AUNIP: variants seen among roughly 807,000 people sequenced by gnomAD.
AUNIP encodes the protein aurora kinase A- and ninein-interacting protein.
In AUNIP, 16 loss-of-function variants were observed where a neutral mutation model predicts 12.2. The observed-to-expected ratio is 1.31, with a 90% CI of 0.88 to 1.99. AUNIP has a LOEUF of 1.99. Ranked by LOEUF, AUNIP falls within the 30% of genes most tolerant of loss-of-function variation. The pLI is 0.00. For synonymous variants in AUNIP, 142 were observed against 154.8 expected (o/e 0.92, Z 0.61); for missense variants, 411 against 419.1 (o/e 0.98, Z 0.17).
At chr1:25,838,492 G>C (rs751096877) in intron 1 of AUNIP, among the ~76,000 whole-genome samples, 1 of 150,856 alleles carries the variant, frequency 6.6e-6, no homozygotes, top group Non-Finnish European at 1.5e-5. Context: ...GACAGAGCAA[G>C]ACTCCGTTTC....
chr1:25,848,615 T>A (rs2048403812), intron 1 of AUNIP, among the ~76,000 whole-genome samples: 1 of 152,160 alleles, frequency 6.6e-6, no homozygotes, highest in Non-Finnish European at 1.5e-5. Context: ...CTGGGAGCTT[T>A]GGGCCACACC....
At chr1:25,852,350 T>G (rs2048428928) in intron 1 of AUNIP, among the ~76,000 whole-genome samples, 1 of 152,208 alleles carries the variant, frequency 6.6e-6, no homozygotes, top group Non-Finnish European at 1.5e-5. Flanking sequence ...CTATTTATTT[T>G]CACTCTAAAT....
At chr1:25,841,730 T>A (rs1396272858) in intron 1 of AUNIP, among the ~76,000 whole-genome samples, 1 of 152,092 alleles carries the variant, frequency 6.6e-6, no homozygotes, top group Non-Finnish European at 1.5e-5. Flanking sequence ...TTCACTGTGT[T>A]GGCCAGGATG....
rs2048285508 is a variant in AUNIP, at chr1:25,834,723, T to G, written c.*270A>C. 5 of 1,274,916 alleles carry G rather than the reference T, an allele frequency of 3.9e-6. No individual in the cohort carries two copies. Among genetic ancestry groups the G allele is most frequent in the Non-Finnish European group, 5.0e-6 (5 of 1,008,702 alleles). The allele number at this position is 1,274,916 out of a possible 1,614,324, so 79.0% of individuals were successfully genotyped here. ...TGAGTAAAAGGCACTTTCATAGAGA[T>G]AAATACCCACTGTGCTGCCTCAGTG... On this transcript the variant is annotated 3_prime_UTR_variant, in exon 3 of 3. Coordinates refer to ENST00000374298, the MANE Select transcript of AUNIP (RefSeq NM_024037.3).
intron 1 of AUNIP, among the ~76,000 whole-genome samples, chr1:25,846,578 C>T (rs974127951): frequency 6.6e-6 from 1 of 152,064 alleles, no homozygotes; most frequent in African/African-American, 2.4e-5. Context: ...CAAAAATTAA[C>T]CAGGCATGAT....
In AUNIP at chr1:25,835,362, C is replaced by T. The variant is rs1443887778; in HGVS notation, c.705G>A (p.Val235=). 1.9e-6 allele frequency: 3 copies of T among 1,614,238 alleles called. No homozygotes were observed. In the East Asian group the frequency reaches 6.7e-5, roughly 36 times the overall value. ...GGGCCTGCCTGTTTTCTTTGGCAGA[C>T]ACCTTTCTTTCCAATTTAGTCTTGC... ...PLGKTKLERK[V]SAKENRQAPV... Residue 235 remains valine, a synonymous_variant, in exon 3 of 3, where the codon GTG becomes GTA. Coordinates refer to ENST00000374298, the MANE Select transcript of AUNIP (RefSeq NM_024037.3).
rs897682493 is a variant in AUNIP, at chr1:25,834,762, C to T, written c.*231G>A. Reference sequence around the variant, plus strand: ...GCTGCCTCAGTGTTCATCATAGACTCATTCAGGGAATTTACCAGCCACCAC... The same window carrying T: ...GCTGCCTCAGTGTTCATCATAGACTTATTCAGGGAATTTACCAGCCACCAC... On this transcript the variant is annotated 3_prime_UTR_variant, in exon 3 of 3. Transcript: ENST00000374298. The T allele has an allele frequency of 1.1e-5, 15 of 1,395,322 alleles. No homozygotes were observed. The highest frequency in any genetic ancestry group is 1.4e-5 in the African/African-American group (1 of 69,046). The allele number at this position is 1,395,322 out of a possible 1,614,324, so 86.4% of individuals were successfully genotyped here.
Position 25,859,436 on chromosome 1 carries a change from G to A in AUNIP, c.-79C>T, listed in dbSNP as rs967008728. The A allele has an allele frequency of 3.8e-6, 5 of 1,316,566 alleles. No individual in the cohort carries two copies. The highest frequency in any genetic ancestry group is 3.0e-6 in the Non-Finnish European group (3 of 1,007,000). The allele number at this position is 1,316,566 out of a possible 1,614,324, so 81.6% of individuals were successfully genotyped here. A position where few individuals can be genotyped will look rare whatever the true frequency, so the allele number is the denominator to read the frequency against. ...AGGGAACGCCAGAACCGCGGCCGCCGACGTTCGGATCTCGCGCCAACGCTG... is the reference window on the plus strand; with the variant it reads ...AGGGAACGCCAGAACCGCGGCCGCCAACGTTCGGATCTCGCGCCAACGCTG... On this transcript the variant is annotated 5_prime_UTR_variant, in exon 1 of 3. Coordinates refer to ENST00000374298, the MANE Select transcript of AUNIP (RefSeq NM_024037.3).
At chr1:25,831,909 T>C (rs544914222), downstream of AUNIP, 16 of 1,606,656 alleles carry the variant, frequency 1.0e-5, no homozygotes, top group Non-Finnish European at 1.2e-5. Flanking sequence ...CAAGCTATTA[T>C]TGTGTCTCTA....
At chr1:25,836,283 A>G (rs548216538) in intron 2 of AUNIP, among the ~76,000 whole-genome samples, 1 of 152,376 alleles carries the variant, frequency 6.6e-6, no homozygotes, top group South Asian at 2.1e-4. Flanking sequence ...TGCTAAACAC[A>G]TACTAGTTTT....
intron 1 of AUNIP, among the ~76,000 whole-genome samples, chr1:25,846,909 A>G (rs2048387086): frequency 6.6e-6 from 1 of 152,216 alleles, no homozygotes; most frequent in Admixed American, 6.5e-5. Context: ...TCGGTCACAG[A>G]GATGACAGTC....
intron 1 of AUNIP, among the ~76,000 whole-genome samples, chr1:25,842,756 C>G (rs1160956911): frequency 6.6e-6 from 1 of 152,180 alleles, no homozygotes; most frequent in Non-Finnish European, 1.5e-5. Flanking sequence ...TATGCTATAT[C>G]TACTCTGCCT....
chr1:25,836,078 C>A (rs1201136064), intron 2 of AUNIP, among the ~76,000 whole-genome samples: 2 of 152,206 alleles, frequency 1.3e-5, no homozygotes, highest in African/African-American at 4.8e-5. Context: ...ATGGATACTT[C>A]CCATCACCTA....
At chr1:25,852,686 C>T (rs1013938755) in intron 1 of AUNIP, among the ~76,000 whole-genome samples, 1 of 152,068 alleles carries the variant, frequency 6.6e-6, no homozygotes, top group Non-Finnish European at 1.5e-5. Flanking sequence ...GTGATCCACC[C>T]ACCTCAGCCT....
chr1:25,857,247 ATTT>A (rs71004545), intron 1 of AUNIP, among the ~76,000 whole-genome samples: 8 of 125,200 alleles, frequency 6.4e-5, no homozygotes, highest in Admixed American at 8.4e-5. Flanking sequence ...GCACATTTTG[ATTT>A]TTTTTTTTTT....
chr1:25,859,370 G>C lies in AUNIP; in HGVS notation c.-13C>G. 3 of 1,509,232 alleles carry C rather than the reference G, an allele frequency of 2.0e-6. No homozygotes were observed. Among genetic ancestry groups the C allele is most frequent in the Non-Finnish European group, 1.8e-6 (2 of 1,135,210 alleles). The allele number at this position is 1,509,232 out of a possible 1,614,324, so 93.5% of individuals were successfully genotyped here. The stretch of plus-strand genomic sequence containing the variant: ...CTGTCCGCCTCATGGCCGCTGAGGA[G>C]ACGAAGCCGGCAGGACGCCGGCGCA... On this transcript the variant is annotated 5_prime_UTR_variant, in exon 1 of 3. Transcript: ENST00000374298.
At chr1:25,854,565 T>C (rs1304460244) in intron 1 of AUNIP, among the ~76,000 whole-genome samples, 3 of 152,130 alleles carry the variant, frequency 2.0e-5, no homozygotes, top group African/African-American at 4.8e-5. Context: ...ACATCTAACA[T>C]ACAATTTGGA....
At chr1:25,835,945 A>T (rs753577570) in intron 2 of AUNIP, 99 bp from the exon 3 acceptor site, 11 of 1,499,906 alleles carry the variant, frequency 7.3e-6, no homozygotes, top group Non-Finnish European at 9.8e-6. Context: ...TACTATTACT[A>T]CCTAGTGCAG....
At chr1:25,854,190 A>G (rs1264482511) in intron 1 of AUNIP, among the ~76,000 whole-genome samples, 2 of 152,240 alleles carry the variant, frequency 1.3e-5, no homozygotes, top group Non-Finnish European at 2.9e-5. Flanking sequence ...AGTCTAGGCA[A>G]CAGAGTAAGA....
Sources: allele counts gnomAD v4.1 joint callset (sites outside exome capture counted in the v4.1 genomes callset), GRCh38; gene constraint gnomAD v4.1.1; transcripts MANE v1.5; gene names NCBI Gene and HGNC (gene_info 2026-07-23, HGNC 2026-07-21).